CNTN5: variants seen among roughly 807,000 people sequenced by gnomAD.
CNTN5 encodes contactin-5.
CNTN5 carries 77 observed loss-of-function variants against 129.1 expected under a neutral mutation model. That is an observed-to-expected ratio of 0.60 (90% CI 0.50 to 0.72). CNTN5 has a LOEUF of 0.72. Ranked by LOEUF, CNTN5 falls within the 30% of genes least tolerant of loss-of-function variation. The pLI is 0.00. For missense variants in CNTN5, 1,478 were observed against 1,328.8 expected (o/e 1.11, Z -1.75); for synonymous variants, 509 against 465.6 (o/e 1.09, Z -1.20).
intron 3 of CNTN5, among the ~76,000 whole-genome samples, chr11:99,564,980 G>A (rs1182774224): frequency 1.3e-5 from 2 of 151,942 alleles, no homozygotes; most frequent in Non-Finnish European, 2.9e-5. Flanking sequence ...TTTAGACTAT[G>A]GCCAGTAATT....
intron 2 of CNTN5, among the ~76,000 whole-genome samples, chr11:99,387,922 A>G (rs1022943445): frequency 2.0e-5 from 3 of 152,086 alleles, no homozygotes; most frequent in Non-Finnish European, 4.4e-5. Context: ...TTCAAGACAA[A>G]TGAAATGAAA....
At chr11:100,084,143 T>C (rs1035912050) in intron 13 of CNTN5, among the ~76,000 whole-genome samples, 2 of 152,158 alleles carry the variant, frequency 1.3e-5, no homozygotes, top group Admixed American at 6.5e-5. Flanking sequence ...TTACTATAAA[T>C]TGCTTCACAA....
intron 13 of CNTN5, among the ~76,000 whole-genome samples, chr11:100,187,456 A>G (rs1055465428): frequency 1.3e-5 from 2 of 151,708 alleles, no homozygotes; most frequent in African/African-American, 4.8e-5. Flanking sequence ...TAAAATTCAT[A>G]TGGAACCATA....
intron 15 of CNTN5, among the ~76,000 whole-genome samples, chr11:100,205,859 T>G (rs1212702291): frequency 6.6e-6 from 1 of 152,098 alleles, no homozygotes; most frequent in African/African-American, 2.4e-5. Flanking sequence ...TATGCTGTCC[T>G]GAAACCAGTC....
At chr11:99,773,637 A>T (rs866584775) in intron 3 of CNTN5, among the ~76,000 whole-genome samples, 1 of 152,124 alleles carries the variant, frequency 6.6e-6, no homozygotes, top group African/African-American at 2.4e-5. Context: ...TCTTCATACA[A>T]TGTAAAAATT....
chr11:99,557,997 C>T (rs1948727700), intron 3 of CNTN5, among the ~76,000 whole-genome samples: 1 of 151,622 alleles, frequency 6.6e-6, no homozygotes, highest in Non-Finnish European at 1.5e-5. Context: ...CAACACGTTG[C>T]TTACAGAAAA....
chr11:99,166,175 G>A (rs142904194), intron 1 of CNTN5, among the ~76,000 whole-genome samples: 4,860 of 152,126 alleles, frequency 0.032, 260 homozygotes, highest in African/African-American at 0.11. Context: ...AGGCCAAAGC[G>A]GGTGGATCAC....
At chr11:100,224,064 T>A (rs1949321471) in intron 15 of CNTN5, among the ~76,000 whole-genome samples, 1 of 152,138 alleles carries the variant, frequency 6.6e-6, no homozygotes, top group Non-Finnish European at 1.5e-5. Context: ...GAATCAGGTA[T>A]TTGGAGCTTC....
chr11:100,120,954 T>C (rs1258170248), intron 13 of CNTN5, among the ~76,000 whole-genome samples: 2 of 151,998 alleles, frequency 1.3e-5, no homozygotes, highest in African/African-American at 4.8e-5. Flanking sequence ...ATTTTTCCAG[T>C]ACTGTAGGGG....
intron 1 of CNTN5, among the ~76,000 whole-genome samples, chr11:99,261,091 T>TA (rs893082354): frequency 3.3e-5 from 5 of 151,726 alleles, no homozygotes; most frequent in East Asian, 3.9e-4. Flanking sequence ...ATTCAACCAG[T>TA]AAAAAAAATG....
At chr11:99,620,446 G>A (rs1206154725) in intron 3 of CNTN5, among the ~76,000 whole-genome samples, 2 of 127,098 alleles carry the variant, frequency 1.6e-5, no homozygotes, top group East Asian at 2.4e-4. Flanking sequence ...CATTTCAGTA[G>A]TATTTTGCTT....
At chr11:100,254,928 G>T (rs898205156) in intron 16 of CNTN5, among the ~76,000 whole-genome samples, 1 of 152,156 alleles carries the variant, frequency 6.6e-6, no homozygotes, top group African/African-American at 2.4e-5. Context: ...AAATACCTGT[G>T]CATTTTTAAA....
chr11:100,175,158 C>T (rs1381147955), intron 13 of CNTN5, among the ~76,000 whole-genome samples: 1 of 152,204 alleles, frequency 6.6e-6, no homozygotes, highest in Admixed American at 6.5e-5. Context: ...TTATGCAAAG[C>T]TTTCTTTTGA....
rs115228109 is a variant in CNTN5 at position 99,805,338 on chromosome 11, G to A, written c.56-14206G>A. ...GTGGAACATCCGGGTGTTTCACCTA[G>A]GCAATTACATAAAAAAGCCCGAAGG... On this transcript the variant is annotated intron_variant, in intron 3 of 24. Coordinates refer to ENST00000524871, the MANE Select transcript of CNTN5 (RefSeq NM_014361.4). Among the ~76,000 whole-genome samples, 840 of 152,178 alleles carry A rather than the reference G, an allele frequency of 5.5e-3. 17 individuals are homozygous for A. The highest frequency in any genetic ancestry group is 0.019 in the African/African-American group (800 of 41,510).
At chr11:99,282,416 C>G (rs1202542264) in intron 1 of CNTN5, among the ~76,000 whole-genome samples, 1 of 151,826 alleles carries the variant, frequency 6.6e-6, no homozygotes, top group African/African-American at 2.4e-5. Flanking sequence ...AACATTTTTC[C>G]ATGTATGATG....
At chr11:100,214,285 A>G (rs1949095629) in intron 15 of CNTN5, among the ~76,000 whole-genome samples, 1 of 152,182 alleles carries the variant, frequency 6.6e-6, no homozygotes, top group Admixed American at 6.6e-5. Flanking sequence ...GTGTATTTCC[A>G]TAGCAAAAGC....
At chr11:99,167,641 A>G (rs1465174397) in intron 1 of CNTN5, among the ~76,000 whole-genome samples, 1 of 152,160 alleles carries the variant, frequency 6.6e-6, no homozygotes, top group Non-Finnish European at 1.5e-5. Context: ...TCCATTATCT[A>G]ACTAACACTA....
chr11:100,295,357 A>G (rs1156729343), intron 18 of CNTN5, among the ~76,000 whole-genome samples: 1 of 151,554 alleles, frequency 6.6e-6, no homozygotes, highest in East Asian at 1.9e-4. Context: ...TGAATTAAAT[A>G]GAAGTGAATC....
At chr11:99,818,459 A>G (rs1253551083) in intron 3 of CNTN5, among the ~76,000 whole-genome samples, 2 of 151,774 alleles carry the variant, frequency 1.3e-5, no homozygotes, top group Non-Finnish European at 2.9e-5. Flanking sequence ...GTCTCACTTT[A>G]TTGCTTTTGC....
Sources: gnomAD v4.1 joint callset for allele counts (sites outside exome capture counted in the v4.1 genomes callset) on GRCh38, gnomAD v4.1.1 for gene constraint, MANE v1.5 for transcripts, NCBI Gene and HGNC (gene_info 2026-07-23, HGNC 2026-07-21) for gene names.